Variants in AKAP6 observed in about 807,000 individuals in gnomAD.
AKAP6 encodes the protein A-kinase anchor protein 6.
Under a neutral mutation model 188.5 loss-of-function variants are expected in AKAP6, and 58 were observed. The observed-to-expected ratio is 0.31, with a 90% CI of 0.25 to 0.38. AKAP6 has a LOEUF of 0.38. AKAP6 is among the 10% of genes least tolerant of loss of function. The pLI is 1.00. For synonymous variants in AKAP6, 989 were observed against 998.6 expected (o/e 0.99, Z 0.18); for missense variants, 2,710 against 2,740.0 (o/e 0.99, Z 0.24).
intron 2 of AKAP6, among the ~76,000 whole-genome samples, chr14:32,447,552 A>C (rs572654500): frequency 6.6e-6 from 1 of 152,354 alleles, no homozygotes; most frequent in South Asian, 2.1e-4. Flanking sequence ...AAAATTTGAC[A>C]TTTTTAAACA....
chr14:32,406,929 T>C (rs1414188338), intron 1 of AKAP6, among the ~76,000 whole-genome samples: 1 of 152,230 alleles, frequency 6.6e-6, no homozygotes, highest in Non-Finnish European at 1.5e-5. Context: ...AAGAAAGATC[T>C]ATAATTCTAC....
At position 32,837,023 on chromosome 14, in the gene AKAP6, G is replaced by A. The variant is rs1048256028; in HGVS notation, c.*7218G>A. The stretch of plus-strand genomic sequence containing the variant: ...TTAACTACAGAGCCATATGATAATG[G>A]AACATCAAGGTTTTCCAGATAAACC... On this transcript the variant is annotated 3_prime_UTR_variant, in exon 14 of 14. Coordinates refer to ENST00000280979, the MANE Select transcript of AKAP6 (RefSeq NM_004274.5). 2.2e-4 allele frequency: 34 copies of A among 152,282 alleles called. No individual in the cohort carries two copies. The highest frequency in any genetic ancestry group is 7.9e-4 in the African/African-American group (33 of 41,558). The allele number at this position is 152,282 out of a possible 1,614,324, so 9.4% of individuals were successfully genotyped here. A position where few individuals can be genotyped will look rare whatever the true frequency, so the allele number is the denominator to read the frequency against.
intron 1 of AKAP6, among the ~76,000 whole-genome samples, chr14:32,340,630 T>A (rs964519385): frequency 6.6e-6 from 1 of 152,264 alleles, no homozygotes; most frequent in African/African-American, 2.4e-5. Flanking sequence ...TGTGCTCATG[T>A]ACCTGAAAAC....
intron 11 of AKAP6, among the ~76,000 whole-genome samples, chr14:32,759,828 C>T (rs1367281935): frequency 2.0e-5 from 3 of 152,038 alleles, no homozygotes; most frequent in African/African-American, 7.2e-5. Context: ...AGGGATCTTC[C>T]CCCATGACCC....
intron 2 of AKAP6, among the ~76,000 whole-genome samples, chr14:32,496,597 A>G (rs1440064856): frequency 6.6e-6 from 1 of 152,034 alleles, no homozygotes; most frequent in African/African-American, 2.4e-5. Flanking sequence ...AGTTGAAAAG[A>G]ATATTTTCCT....
chr14:32,602,109 G>C (rs1178775728), intron 7 of AKAP6, among the ~76,000 whole-genome samples: 3 of 152,172 alleles, frequency 2.0e-5, no homozygotes, highest in Non-Finnish European at 4.4e-5. Flanking sequence ...AGTGGAGACT[G>C]TATTCAGCAC....
At chr14:32,441,796 C>T (rs1020007100) in intron 2 of AKAP6, among the ~76,000 whole-genome samples, 6 of 152,028 alleles carry the variant, frequency 3.9e-5, no homozygotes, top group African/African-American at 1.5e-4. Flanking sequence ...GCAAAAGTAG[C>T]ATGGAAACTG....
intron 3 of AKAP6, among the ~76,000 whole-genome samples, chr14:32,541,330 AATAT>A (rs10594060): frequency 0.24 from 35,321 of 147,836 alleles, 5,021 homozygotes; most frequent in African/African-American, 0.4. Context: ...ATATTCATCT[AATAT>A]ATATATATAT....
rs1244128307 is a variant in AKAP6, at chr14:32,720,921, G to GTTTGTTTA, written c.3001-11532_3001-11525dup. On this transcript the variant is annotated intron_variant, in intron 9 of 13. Transcript: ENST00000280979. ...AACAGAAATAGCTGTGTTTAGAGGT[G>GTTTGTTTA]TTTGTTTAGGTTGGGAAATGGAAAA... Among the ~76,000 whole-genome samples the GTTTGTTTA allele has an allele frequency of 2.0e-5, 3 of 152,152 alleles. No homozygotes were observed. In the East Asian group the frequency reaches 5.8e-4, roughly 29 times the overall value.
intron 13 of AKAP6, among the ~76,000 whole-genome samples, chr14:32,828,214 C>T (rs1255382918): frequency 6.6e-6 from 1 of 152,054 alleles, no homozygotes; most frequent in Non-Finnish European, 1.5e-5. Context: ...GCTGTAAGAG[C>T]AAACATTTCT....
intron 12 of AKAP6, among the ~76,000 whole-genome samples, chr14:32,800,059 C>CTATATATATA (rs1305584690): frequency 0.036 from 4,012 of 111,202 alleles, 76 homozygotes; most frequent in East Asian, 0.046. Context: ...CTCTCTCTCT[C>CTATATATATA]TCTATATATA....
chr14:32,500,357 C>T (rs1322227356), intron 2 of AKAP6, among the ~76,000 whole-genome samples: 1 of 152,134 alleles, frequency 6.6e-6, no homozygotes, highest in African/African-American at 2.4e-5. Context: ...TGACATCTAG[C>T]TTAAAATGAA....
chr14:32,827,641 A>G (rs942981360), intron 13 of AKAP6, among the ~76,000 whole-genome samples: 1 of 152,210 alleles, frequency 6.6e-6, no homozygotes, highest in African/African-American at 2.4e-5. Context: ...GGGGTCAGTT[A>G]CAGCAAATCA....
intron 4 of AKAP6, among the ~76,000 whole-genome samples, chr14:32,547,226 G>T (rs1239842841): frequency 6.6e-6 from 1 of 152,208 alleles, no homozygotes; most frequent in African/African-American, 2.4e-5. Flanking sequence ...CTCCTGCCTG[G>T]TATAGAATTC....
chr14:32,824,506 G>T lies in AKAP6; in HGVS notation c.6693G>T (p.Leu2231Phe), dbSNP rs774496918. 3.1e-6 allele frequency: 5 copies of T among 1,613,934 alleles called. No individual in the cohort carries two copies. In the Admixed American group the frequency reaches 6.7e-5, roughly 22 times the overall value. ...RAEVGKEVNG[L>F]PQTSSGCAEN... ...AGGTTGGAAAGGAAGTGAATGGTTT[G>T]CCCCAAACTTCCAGTGGCTGTGCAG... Residue 2231 changes from leucine to phenylalanine, a missense_variant, in exon 13 of 14, where the codon TTG becomes TTT. Transcript: ENST00000280979.
At chr14:32,641,154 C>T (rs142011911) in intron 7 of AKAP6, among the ~76,000 whole-genome samples, 3 of 151,968 alleles carry the variant, frequency 2.0e-5, no homozygotes, top group African/African-American at 7.2e-5. Context: ...TAAAAACATG[C>T]CCATTCTCCA....
chr14:32,631,966 A>G (rs909179889), intron 7 of AKAP6, among the ~76,000 whole-genome samples: 1 of 152,072 alleles, frequency 6.6e-6, no homozygotes, highest in African/African-American at 2.4e-5. Flanking sequence ...AAGGCATTTT[A>G]GAAGATGGAC....
intron 9 of AKAP6, among the ~76,000 whole-genome samples, chr14:32,703,341 G>A (rs1225025706): frequency 6.6e-6 from 1 of 152,174 alleles, no homozygotes; most frequent in Non-Finnish European, 1.5e-5. Context: ...CGCTTACTTA[G>A]ATGATATGAA....
intron 5 of AKAP6, among the ~76,000 whole-genome samples, chr14:32,588,751 A>G (rs747968815): frequency 2.0e-5 from 3 of 152,210 alleles, no homozygotes; most frequent in African/African-American, 7.2e-5. Context: ...CTAAATACTT[A>G]TAAAAACAGA....
Sources: allele counts gnomAD v4.1 joint callset (sites outside exome capture counted in the v4.1 genomes callset), GRCh38; gene constraint gnomAD v4.1.1; transcripts MANE v1.5; gene names NCBI Gene and HGNC (gene_info 2026-07-23, HGNC 2026-07-21).